The following ITGA1 variants were observed in gnomAD, a reference collection of about 807,000 sequenced individuals.
ITGA1 encodes integrin alpha-1.
Under a neutral mutation model 145.9 loss-of-function variants are expected in ITGA1, and 85 were observed. That is an observed-to-expected ratio of 0.58 (90% CI 0.49 to 0.70). The LOEUF (loss-of-function observed/expected upper bound fraction) is 0.70. ITGA1 is among the 30% of genes least tolerant of loss of function. The pLI is 0.00. For missense variants in ITGA1, 1,351 were observed against 1,418.7 expected, an observed-to-expected ratio of 0.95 and a Z score of 0.77; for synonymous variants, 520 against 495.3, an observed-to-expected ratio of 1.05 and a Z score of -0.66.
intron 2 of ITGA1, among the ~76,000 whole-genome samples, chr5:52,858,401 A>G (rs151328424): frequency 6.6e-6 from 1 of 152,316 alleles, no homozygotes; most frequent in East Asian, 1.9e-4. Flanking sequence ...AAGTTGCATC[A>G]AGTTCAGACC....
chr5:52,910,617 C>T (rs1750490777), intron 14 of ITGA1, among the ~76,000 whole-genome samples, 198 bp downstream of exon 14: 1 of 147,850 alleles, frequency 6.8e-6, no homozygotes, highest in African/African-American at 2.5e-5. Context: ...TAAATATACA[C>T]ATAGTATGTA....
At chr5:52,945,130 C>A in intron 27 of ITGA1, 95 bp downstream of exon 27, 1 of 869,702 alleles carries the variant, frequency 1.1e-6, no homozygotes, top group Non-Finnish European at 1.9e-6. Context: ...TAAGCAGTGA[C>A]TGGTATTGCT....
intron 2 of ITGA1, among the ~76,000 whole-genome samples, chr5:52,857,622 T>A (rs1749537809): frequency 6.6e-6 from 1 of 152,344 alleles, no homozygotes; most frequent in African/African-American, 2.4e-5. Context: ...ACACTGCTGT[T>A]TTCTGATTCT....
Position 52,800,577 on chromosome 5 carries a change from C to G in ITGA1, c.61+12163C>G, listed in dbSNP as rs1181155781. The G allele has an allele frequency of 1.9e-6, 3 of 1,613,450 alleles. No homozygotes were observed. The South Asian group carries it at 3.3e-5, about 18-fold the overall frequency. ...CGGGCAGCGTGGGCAGCAACCGGGT[C>G]CGCACTACCCTCACTCTCTGCGTGG... On this transcript the variant is annotated intron_variant, in intron 1 of 28. Coordinates refer to ENST00000282588, the MANE Select transcript of ITGA1 (RefSeq NM_181501.2).
intron 1 of ITGA1, among the ~76,000 whole-genome samples, chr5:52,813,547 C>T (rs1748716305): frequency 6.6e-6 from 1 of 152,124 alleles, no homozygotes. Flanking sequence ...ACAGTCAGAA[C>T]CCTGCTATAG....
At chr5:52,930,147 C>T (rs1750873744) in intron 21 of ITGA1, among the ~76,000 whole-genome samples, 1 of 152,092 alleles carries the variant, frequency 6.6e-6, no homozygotes, top group Admixed American at 6.6e-5. Flanking sequence ...TATCATAGAA[C>T]ACACAGACTA....
rs62638855 is a variant in ITGA1, at chr5:52,911,006, C to G, written c.1857+587C>G. Among the ~76,000 whole-genome samples the G allele has an allele frequency of 8.3e-3, 181 of 21,728 alleles. 1 individual carries two copies. Among genetic ancestry groups the G allele is most frequent in the Middle Eastern group, 0.033 (1 of 30 alleles). 14.3% of individuals were successfully genotyped at this position (21,728 alleles called of 152,430 possible). A position where few individuals can be genotyped will look rare whatever the true frequency, so the allele number is the denominator to read the frequency against. On this transcript the variant is annotated intron_variant, in intron 14 of 28. Coordinates refer to ENST00000282588, the MANE Select transcript of ITGA1 (RefSeq NM_181501.2). ...ATGTATACTATATATAGTATGTATACTGTATATACTATATATAGTATGTAT... is the reference window on the plus strand; with the variant it reads ...ATGTATACTATATATAGTATGTATAGTGTATATACTATATATAGTATGTAT...
intron 28 of ITGA1, among the ~76,000 whole-genome samples, chr5:52,949,804 G>A (rs914355991): frequency 6.6e-6 from 1 of 152,156 alleles, no homozygotes; most frequent in Admixed American, 6.6e-5. Context: ...GAAGCTGCCT[G>A]AAGCATGAGT....
intron 20 of ITGA1, among the ~76,000 whole-genome samples, chr5:52,929,271 C>T (rs554762092): frequency 6.6e-6 from 1 of 152,246 alleles, no homozygotes; most frequent in South Asian, 2.1e-4. Context: ...TTCTGAGTTA[C>T]AAGGGTACTA....
chr5:52,896,786 T>C (rs1404647875), intron 9 of ITGA1, among the ~76,000 whole-genome samples: 1 of 152,116 alleles, frequency 6.6e-6, no homozygotes, highest in Non-Finnish European at 1.5e-5. Context: ...TGCATTTCAG[T>C]AAAGAGCTTC....
In ITGA1 at chr5:52,917,971, C is replaced by T. The variant is rs115377462; in HGVS notation, c.1989-761C>T. ...CTAGCTCTGGCCACAAGGCAGAAAC[C>T]AGGTAAAAATGTGCAGTAATTGTTC... On this transcript the variant is annotated intron_variant, in intron 15 of 28. Transcript: ENST00000282588. Among the ~76,000 whole-genome samples, 1,477 of 152,184 alleles carry T rather than the reference C, an allele frequency of 9.7e-3. 30 individuals carry two copies. The highest frequency in any genetic ancestry group is 0.034 in the African/African-American group (1,419 of 41,524).
chr5:52,858,053 C>T (rs901305209), intron 2 of ITGA1, among the ~76,000 whole-genome samples: 2 of 152,178 alleles, frequency 1.3e-5, no homozygotes, highest in African/African-American at 4.8e-5. Flanking sequence ...TCCTTCCATC[C>T]TCTGTACTTC....
intron 13 of ITGA1, 67 bp from the exon 14 acceptor site, chr5:52,910,095 T>C (rs966432005): frequency 9.6e-6 from 14 of 1,458,510 alleles, no homozygotes; most frequent in African/African-American, 5.6e-5. Context: ...TTTAGTATAC[T>C]TTAAAAATTC....
intron 2 of ITGA1, 66 bp downstream of exon 2, chr5:52,849,551 C>G (rs1452879065): frequency 1.6e-5 from 21 of 1,308,782 alleles, no homozygotes; most frequent in Non-Finnish European, 1.9e-5. Context: ...TATTATTTGA[C>G]TACAGTTTCT....
intron 21 of ITGA1, chr5:52,931,095 C>A (rs1180129060): frequency 6.6e-6 from 1 of 152,106 alleles, no homozygotes; most frequent in Non-Finnish European, 1.5e-5. Flanking sequence ...ATAAGCAGAG[C>A]CATTAAAAAG....
Position 52,897,687 on chromosome 5 carries a change from C to T in ITGA1, c.1164+159C>T, listed in dbSNP as rs2111829708. Reference sequence around the variant, plus strand: ...TTTTCTAATTCAAATAGGAAAATATCATTTCACAAGCTTCTTATTAAGAAA... The same window carrying T: ...TTTTCTAATTCAAATAGGAAAATATTATTTCACAAGCTTCTTATTAAGAAA... On this transcript the variant is annotated intron_variant, in intron 10 of 28. Coordinates refer to ENST00000282588, the MANE Select transcript of ITGA1 (RefSeq NM_181501.2). Among the ~76,000 whole-genome samples, 2 of 152,276 alleles carry T rather than the reference C, an allele frequency of 1.3e-5. 1 individual carries two copies. Among genetic ancestry groups the T allele is most frequent in the Admixed American group, 1.3e-4 (2 of 15,290 alleles).
Position 52,905,626 on chromosome 5 carries a change from T to C in ITGA1, c.1310-137T>C, listed in dbSNP as rs1750390504. The C allele has an allele frequency of 1.2e-5, 8 of 652,596 alleles. No individual in the cohort carries two copies. The South Asian group carries it at 2.9e-4, about 24-fold the overall frequency. 40.4% of individuals were successfully genotyped at this position (652,596 alleles called of 1,614,324 possible). Reference sequence around the variant, plus strand: ...GCTTCCACCAAAACAAATTCTTACGTGCATTGAAGAAAAAATATTATTTTC... The same window carrying C: ...GCTTCCACCAAAACAAATTCTTACGCGCATTGAAGAAAAAATATTATTTTC... On this transcript the variant is annotated intron_variant, in intron 11 of 28. Transcript: ENST00000282588.
intron 1 of ITGA1, among the ~76,000 whole-genome samples, chr5:52,789,348 T>C (rs1187205790): frequency 6.6e-6 from 1 of 152,238 alleles, no homozygotes. Flanking sequence ...ATATCATTGA[T>C]ATTCAATTGT....
At chr5:52,915,649 C>G (rs1750634932) in intron 15 of ITGA1, 55 bp downstream of exon 15, 7 of 1,596,956 alleles carry the variant, frequency 4.4e-6, no homozygotes, top group Middle Eastern at 1.7e-4. Flanking sequence ...TGCAGAGCTC[C>G]CAGTGTGATT....
Sources: allele counts gnomAD v4.1 joint callset (sites outside exome capture counted in the v4.1 genomes callset), GRCh38; gene constraint gnomAD v4.1.1; transcripts MANE v1.5; gene names NCBI Gene and HGNC (gene_info 2026-07-23, HGNC 2026-07-21).